The following PAX7 variants were observed in gnomAD, a reference collection of about 807,000 sequenced individuals.
The protein encoded by PAX7 is paired box protein Pax-7.
A neutral mutation model predicts 50.7 loss-of-function variants in PAX7; 18 were observed. The observed-to-expected ratio is 0.36, with a 90% CI of 0.25 to 0.53. PAX7 has a LOEUF of 0.53. Ranked by LOEUF, PAX7 falls within the 20% of genes least tolerant of loss-of-function variation. The probability of loss-of-function intolerance (pLI) is 0.93; values close to 1 mark genes in which losing one functional copy is unlikely to be tolerated. For missense variants in PAX7, 644 were observed against 702.9 expected, an observed-to-expected ratio of 0.92 and a Z score of 0.95; for synonymous variants, 310 against 290.4, an observed-to-expected ratio of 1.07 and a Z score of -0.69.
At chr1:18,690,662 G>A (rs2089055287) in intron 4 of PAX7, among the ~76,000 whole-genome samples, 1 of 152,230 alleles carries the variant, frequency 6.6e-6, no homozygotes, top group African/African-American at 2.4e-5. Flanking sequence ...GGGCTCTCCA[G>A]GCCCAGGCCC....
At position 18,636,389 on chromosome 1, in the gene PAX7, G is replaced by T; in HGVS notation, c.586+18G>T. ...CGACAAAGGTAGGGAACTTCCCTGG[G>T]CTGCGAGGCCCCAGCCCGGGTTTTC... On this transcript the variant is annotated intron_variant, in intron 4 of 8. Transcript: ENST00000420770. This position sits in a 1 kb window ranked among gnomAD's most constrained non-coding sequence, Gnocchi z 5.1. 6.2e-7 allele frequency: 1 copy of T among 1,611,606 alleles called. No individual in the cohort carries two copies. Among genetic ancestry groups the T allele is most frequent in the Non-Finnish European group, 8.5e-7 (1 of 1,178,134 alleles).
At chr1:18,714,353 C>T (rs2089392087) in intron 7 of PAX7, among the ~76,000 whole-genome samples, 1 of 152,190 alleles carries the variant, frequency 6.6e-6, no homozygotes, top group South Asian at 2.1e-4. Context: ...TGCCACTCAC[C>T]TTGCAGGCTT....
Position 18,726,234 on chromosome 1 carries a change from A to G in PAX7, c.1156-9398A>G, listed in dbSNP as rs933284067. 3.3e-5 allele frequency among the ~76,000 whole-genome samples: 5 copies of G among 150,050 alleles called. No individual in the cohort carries two copies. Among genetic ancestry groups the G allele is most frequent in the African/African-American group, 9.8e-5 (4 of 40,626 alleles). ...CCATTCTGTTCCTCCCTCCACCCCC[A>G]CCTCACCTCTAGACAGTCCTTAACT... is the stretch of plus-strand genomic sequence containing the variant. On this transcript the variant is annotated intron_variant, in intron 7 of 8. Transcript: ENST00000420770. This position sits in a 1 kb window ranked among gnomAD's most constrained non-coding sequence, Gnocchi z 4.8.
At chr1:18,719,698 C>T (rs944132416) in intron 7 of PAX7, among the ~76,000 whole-genome samples, 3 of 152,218 alleles carry the variant, frequency 2.0e-5, no homozygotes, top group Admixed American at 6.5e-5. Context: ...CTCTGCTGGC[C>T]CTGGAACTCC....
At chr1:18,675,804 G>T (rs1412797375) in intron 4 of PAX7, among the ~76,000 whole-genome samples, 1 of 152,146 alleles carries the variant, frequency 6.6e-6, no homozygotes, top group South Asian at 2.1e-4. Context: ...CTCTAAGTTC[G>T]AGTCTCTCTT....
chr1:18,720,029 T>C (rs1207687290), intron 7 of PAX7, among the ~76,000 whole-genome samples: 3 of 152,160 alleles, frequency 2.0e-5, no homozygotes, highest in Admixed American at 2.0e-4. Context: ...AGGCACAATG[T>C]TGGAACCAAA....
In PAX7 at chr1:18,745,255, G is replaced by A; in HGVS notation, c.*326G>A. On this transcript the variant is annotated 3_prime_UTR_variant, in exon 9 of 9. Transcript: ENST00000420770. Reference sequence around the variant, plus strand: ...TTGGGGCCCACCTTGAACACCTTGGGTGTCCAGAGGAGGATGGTGCCTGAG... The same window carrying A: ...TTGGGGCCCACCTTGAACACCTTGGATGTCCAGAGGAGGATGGTGCCTGAG... 1 of 388,656 alleles carries A rather than the reference G, an allele frequency of 2.6e-6. No individual in the cohort carries two copies. Among genetic ancestry groups the A allele is most frequent in the South Asian group, 3.8e-5 (1 of 26,048 alleles). The allele number at this position is 388,656 out of a possible 1,614,324, so 24.1% of individuals were successfully genotyped here. A position where few individuals can be genotyped will look rare whatever the true frequency, so the allele number is the denominator to read the frequency against.
Position 18,696,487 on chromosome 1 carries a change from A to G in PAX7, c.787-4166A>G, listed in dbSNP as rs7540525. Among the ~76,000 whole-genome samples the G allele has an allele frequency of 8.6e-3, 1,308 of 152,354 alleles. 17 individuals are homozygous for G. The highest frequency in any genetic ancestry group is 0.03 in the African/African-American group (1,234 of 41,580). The stretch of plus-strand genomic sequence containing the variant: ...GATTCTTCTCTCCATTTTGCAGATG[A>G]GAAAACTGAGATGTAGCTAAGGAAA... On this transcript the variant is annotated intron_variant, in intron 5 of 8. Coordinates refer to ENST00000420770, the MANE Select transcript of PAX7 (RefSeq NM_001135254.2).
intron 4 of PAX7, among the ~76,000 whole-genome samples, chr1:18,679,218 G>A (rs915174467): frequency 2.7e-4 from 41 of 152,176 alleles, no homozygotes; most frequent in Admixed American, 1.3e-4. Context: ...GGCTGAGCCC[G>A]GAAGCAGGGA....
chr1:18,739,547 A>G (rs1931008878), intron 8 of PAX7, among the ~76,000 whole-genome samples: 1 of 152,214 alleles, frequency 6.6e-6, no homozygotes, highest in African/African-American at 2.4e-5. Context: ...CATTGGACAG[A>G]TGAGGAAATG....
chr1:18,649,362 C>G (rs1349102470), intron 4 of PAX7, among the ~76,000 whole-genome samples: 5 of 152,152 alleles, frequency 3.3e-5, no homozygotes, highest in African/African-American at 1.2e-4. Context: ...TTCTGATTCA[C>G]AGAGGGGGAG....
chr1:18,703,185 C>T lies in PAX7; in HGVS notation c.1044C>T (p.Thr348=). ...GLAAAAAAAD[T]SSAYGARHSF... ...CTGCAGCGGCTGCAGCCGCCGACACCAGCTCTGCCTACGGAGCCCGCCACA... is the reference window on the plus strand; with the variant it reads ...CTGCAGCGGCTGCAGCCGCCGACACTAGCTCTGCCTACGGAGCCCGCCACA... Residue 348 remains threonine (T), a synonymous_variant, in exon 7 of 9, where the codon ACC becomes ACT. Transcript: ENST00000420770. 2 of 1,613,592 alleles carry T rather than the reference C, an allele frequency of 1.2e-6. No homozygotes were observed. The highest frequency in any genetic ancestry group is 1.7e-6 in the Non-Finnish European group (2 of 1,179,974).
At chr1:18,701,008 C>T (rs2089212189) in intron 6 of PAX7, among the ~76,000 whole-genome samples, 190 bp downstream of exon 6, 1 of 152,118 alleles carries the variant, frequency 6.6e-6, no homozygotes, top group Non-Finnish European at 1.5e-5. Flanking sequence ...AGGTGGGATC[C>T]CCAAGGCAGC....
chr1:18,736,064 C>A, intron 8 of PAX7, 186 bp downstream of exon 8: 1 of 1,143,282 alleles, frequency 8.7e-7, no homozygotes, highest in South Asian at 1.4e-5. Flanking sequence ...GGGCAAAACC[C>A]AGGACATCTC....
At position 18,744,966 on chromosome 1, in the gene PAX7, C is replaced by A. The variant is rs1263945050; in HGVS notation, c.*37C>A. 4 of 1,253,214 alleles carry A rather than the reference C, an allele frequency of 3.2e-6. No individual in the cohort carries two copies. Among genetic ancestry groups the A allele is most frequent in the Non-Finnish European group, 4.6e-6 (4 of 876,074 alleles). 77.6% of individuals were successfully genotyped at this position (1,253,214 alleles called of 1,614,324 possible). On this transcript the variant is annotated 3_prime_UTR_variant, in exon 9 of 9. Transcript: ENST00000420770. The stretch of plus-strand genomic sequence containing the variant: ...CGACTTGCCCCAGCCCAATTCCCAG[C>A]CCAACCCTAACTGACCCCTGAGCTT...
At chr1:18,712,134 C>T (rs61760724) in intron 7 of PAX7, among the ~76,000 whole-genome samples, 1 of 150,680 alleles carries the variant, frequency 6.6e-6, no homozygotes, top group Admixed American at 6.6e-5. Context: ...TAGGTGTGAA[C>T]TGATGGTCAG....
chr1:18,645,560 G>T (rs1337652484), intron 4 of PAX7, among the ~76,000 whole-genome samples: 1 of 152,236 alleles, frequency 6.6e-6, no homozygotes, highest in Non-Finnish European at 1.5e-5. Context: ...AGGTGGAGAG[G>T]GACAGCTACG....
intron 7 of PAX7, among the ~76,000 whole-genome samples, chr1:18,721,421 G>A (rs1570226306): frequency 6.6e-6 from 1 of 152,152 alleles, no homozygotes; most frequent in East Asian, 1.9e-4. Context: ...ATCCCTTCCT[G>A]GTTCCTCCCT....
At chr1:18,722,584 G>A (rs1371675435) in intron 7 of PAX7, among the ~76,000 whole-genome samples, 2 of 152,206 alleles carry the variant, frequency 1.3e-5, no homozygotes, top group Non-Finnish European at 2.9e-5. Context: ...GAAGATATTT[G>A]TTTTGTAAAG....
Sources: gnomAD v4.1 joint callset for allele counts (sites outside exome capture counted in the v4.1 genomes callset) on GRCh38, gnomAD v4.1.1 for gene constraint, Gnocchi (gnomAD v3.1) non-coding constraint, MANE v1.5 for transcripts, NCBI Gene and HGNC (gene_info 2026-07-23, HGNC 2026-07-21) for gene names.